ATP9B: variants seen among roughly 807,000 people sequenced by gnomAD.
The protein encoded by ATP9B is ATPase phospholipid transporting 9B.
Under a neutral mutation model 146.1 loss-of-function variants are expected in ATP9B, and 110 were observed. That is an observed-to-expected ratio of 0.75 (90% confidence interval 0.65 to 0.88). The LOEUF (loss-of-function observed/expected upper bound fraction) is 0.88, where lower values mean the gene tolerates loss of function less well. Among genes scored for constraint, ATP9B ranks in the 40% least tolerant of loss-of-function variants. The pLI is 0.00. For synonymous variants in ATP9B, 604 were observed against 569.7 expected, an observed-to-expected ratio of 1.06 and a Z score of -0.86; for missense variants, 1,499 against 1,496.4, an observed-to-expected ratio of 1.00 and a Z score of -0.03.
chr18:79,326,890 T>C (rs1289098500), intron 15 of ATP9B, among the ~76,000 whole-genome samples: 1 of 152,088 alleles, frequency 6.6e-6, no homozygotes, highest in Non-Finnish European at 1.5e-5. Flanking sequence ...GTGCTGACTG[T>C]CCACTGTGTG....
chr18:79,190,511 TAC>T (rs68063845), intron 8 of ATP9B, among the ~76,000 whole-genome samples: 2,859 of 143,534 alleles, frequency 0.02, 45 homozygotes, highest in Middle Eastern at 0.099. Flanking sequence ...TTTTTATTTA[TAC>T]ACACACACAC....
rs185237595 is a variant in ATP9B at position 79,260,217 on chromosome 18, G to C, written c.1268+6676G>C. On this transcript the variant is annotated intron_variant, in intron 12 of 29. Coordinates refer to ENST00000426216, the MANE Select transcript of ATP9B (RefSeq NM_198531.5). ...GCCCCAGGAAACTTGCAATCATGGC[G>C]GAAGGGGAAGTAGTCACCTTCACAA... is the stretch of plus-strand genomic sequence containing the variant. 7.2e-5 allele frequency among the ~76,000 whole-genome samples: 11 copies of C among 152,266 alleles called. No individual in the cohort carries two copies. In the East Asian group the frequency reaches 2.1e-3, roughly 29 times the overall value.
At chr18:79,308,528 A>G (rs1485172685) in intron 15 of ATP9B, among the ~76,000 whole-genome samples, 1 of 152,222 alleles carries the variant, frequency 6.6e-6, no homozygotes, top group African/African-American at 2.4e-5. Flanking sequence ...GCTCAGTGGA[A>G]GAAGGCAGGT....
intron 19 of ATP9B, among the ~76,000 whole-genome samples, chr18:79,340,061 C>T (rs2096850205): frequency 6.6e-6 from 1 of 152,052 alleles, no homozygotes; most frequent in South Asian, 2.1e-4. Flanking sequence ...CAATCGAGCC[C>T]CAGAGTTCAT....
At chr18:79,151,629 G>T (rs560295426) in intron 6 of ATP9B, among the ~76,000 whole-genome samples, 1 of 152,068 alleles carries the variant, frequency 6.6e-6, no homozygotes, top group Non-Finnish European at 1.5e-5. Context: ...GCAAAGTGGT[G>T]TACCAAATTC....
chr18:79,108,940 A>G (rs1167461289), intron 2 of ATP9B, among the ~76,000 whole-genome samples: 4 of 152,210 alleles, frequency 2.6e-5, no homozygotes, highest in African/African-American at 7.2e-5. Flanking sequence ...CAGTATTTGT[A>G]AAGTGATTTC....
chr18:79,262,773 C>T (rs1423200134), intron 12 of ATP9B, among the ~76,000 whole-genome samples: 3 of 152,282 alleles, frequency 2.0e-5, no homozygotes, highest in East Asian at 3.9e-4. Context: ...ACTTAGCACC[C>T]GTATCTTCAC....
chr18:79,206,800 G>A (rs1035483315), intron 9 of ATP9B, 137 bp from the exon 10 acceptor site: 5 of 655,974 alleles, frequency 7.6e-6, no homozygotes, highest in South Asian at 6.9e-5. Context: ...TTTTTCTAAC[G>A]TCTGTTTTGC....
At chr18:79,201,052 T>C (rs59962329) in intron 9 of ATP9B, among the ~76,000 whole-genome samples, 5 of 152,148 alleles carry the variant, frequency 3.3e-5, no homozygotes, top group African/African-American at 9.7e-5. Context: ...TGGTGACCAC[T>C]TGTGGGAGGC....
intron 8 of ATP9B, among the ~76,000 whole-genome samples, chr18:79,178,754 G>A (rs536022980): frequency 5.7e-4 from 87 of 152,124 alleles, no homozygotes; most frequent in African/African-American, 1.8e-3. Context: ...ATTATGTCAC[G>A]GTATTTGATA....
At chr18:79,184,801 C>A (rs2095289554) in intron 8 of ATP9B, among the ~76,000 whole-genome samples, 1 of 152,044 alleles carries the variant, frequency 6.6e-6, no homozygotes, top group Admixed American at 6.6e-5. Context: ...AACACTTGGA[C>A]AAAAGCCCCA....
Position 79,207,199 on chromosome 18 carries a change from C to CA in ATP9B, c.1030+188dup, listed in dbSNP as rs1314187794. 2.6e-5 allele frequency among the ~76,000 whole-genome samples: 4 copies of CA among 152,328 alleles called. No homozygotes were observed. The East Asian group carries it at 7.7e-4, about 29-fold the overall frequency. On this transcript the variant is annotated intron_variant, in intron 10 of 29. Coordinates refer to ENST00000426216, the MANE Select transcript of ATP9B (RefSeq NM_198531.5). ...TTGTGGTGAGGCTTGTGCTGCTCCT[C>CA]AGACACTGCACGTGGTTCGCAAGGC...
At chr18:79,191,471 C>T (rs548276642) in intron 8 of ATP9B, among the ~76,000 whole-genome samples, 9 of 152,206 alleles carry the variant, frequency 5.9e-5, no homozygotes, top group South Asian at 2.1e-4. Flanking sequence ...TGTTAGACTC[C>T]GCGATATTCC....
intron 8 of ATP9B, among the ~76,000 whole-genome samples, chr18:79,187,788 A>G (rs2095322368): frequency 6.6e-6 from 1 of 152,238 alleles, no homozygotes; most frequent in Admixed American, 6.5e-5. Context: ...CAAGGAACTC[A>G]GAGCAATTTA....
intron 23 of ATP9B, among the ~76,000 whole-genome samples, chr18:79,346,156 C>G (rs1220059461): frequency 6.6e-6 from 1 of 150,860 alleles, no homozygotes; most frequent in African/African-American, 2.4e-5. Context: ...ACACTCAGCA[C>G]ACGGTCAGCG....
intron 15 of ATP9B, among the ~76,000 whole-genome samples, chr18:79,309,442 CCCCAGCAGG>C (rs1296880631): frequency 1.5e-4 from 22 of 143,672 alleles, no homozygotes; most frequent in African/African-American, 5.6e-4. Context: ...GAGGAGTGAT[CCCCAGCAGG>C]TAGAAGGTCA....
At chr18:79,190,143 A>T (rs6506740) in intron 8 of ATP9B, among the ~76,000 whole-genome samples, 85,343 of 152,022 alleles carry the variant, frequency 0.56, 25,686 homozygotes, top group African/African-American at 0.79. Flanking sequence ...CAGGATCATT[A>T]GCAAGTCACT....
intron 11 of ATP9B, among the ~76,000 whole-genome samples, chr18:79,223,920 C>T (rs73002006): frequency 0.017 from 2,517 of 152,176 alleles, 31 homozygotes; most frequent in Non-Finnish European, 0.025. Context: ...TCCCTAAATT[C>T]CTTTTAAATA....
At chr18:79,080,122 G>A (rs2073089377) in intron 1 of ATP9B, among the ~76,000 whole-genome samples, 1 of 152,068 alleles carries the variant, frequency 6.6e-6, no homozygotes, top group Non-Finnish European at 1.5e-5. Flanking sequence ...TTGGCTATGT[G>A]GGCTCTTTTT....
Sources: allele counts gnomAD v4.1 joint callset (sites outside exome capture counted in the v4.1 genomes callset), GRCh38; gene constraint gnomAD v4.1.1; transcripts MANE v1.5; gene names NCBI Gene and HGNC (gene_info 2026-07-23, HGNC 2026-07-21).